PLCB4: variants seen among roughly 807,000 people sequenced by gnomAD.
PLCB4 encodes 1-phosphatidylinositol 4,5-bisphosphate phosphodiesterase beta-4.
Under a neutral mutation model 178.8 loss-of-function variants are expected in PLCB4, and 77 were observed. The ratio of observed to expected loss-of-function variants is 0.43; its 90% CI spans 0.36 to 0.52. PLCB4 has a LOEUF of 0.52. PLCB4 is among the 20% of genes least tolerant of loss of function. PLCB4 has a pLI of 0.00. For missense variants in PLCB4, 1,024 were observed against 1,453.4 expected, an observed-to-expected ratio of 0.70 and a Z score of 4.80; for synonymous variants, 496 against 490.8, an observed-to-expected ratio of 1.01 and a Z score of -0.14.
intron 3 of PLCB4, among the ~76,000 whole-genome samples, chr20:9,237,041 T>G (rs1317404294): frequency 5.9e-5 from 9 of 152,146 alleles, no homozygotes; most frequent in Non-Finnish European, 1.3e-4. Context: ...TGTGGAATAA[T>G]GTGACATTCT....
intron 4 of PLCB4, among the ~76,000 whole-genome samples, chr20:9,324,367 A>G (rs2030040067): frequency 6.6e-6 from 1 of 152,104 alleles, no homozygotes; most frequent in Non-Finnish European, 1.5e-5. Context: ...CAGAGGTTGC[A>G]GTGAGCCCAG....
At chr20:9,146,698 C>T (rs527837248) in intron 2 of PLCB4, among the ~76,000 whole-genome samples, 1 of 152,212 alleles carries the variant, frequency 6.6e-6, no homozygotes, top group African/African-American at 2.4e-5. Context: ...TATTTTGACT[C>T]ACATTGATTA....
chr20:9,372,255 A>G (rs79177435), intron 10 of PLCB4, 48 bp from the exon 11 acceptor site: 17,047 of 1,104,948 alleles, frequency 0.015, 215 homozygotes, highest in Non-Finnish European at 0.016. Flanking sequence ...CTCACCCTCC[A>G]AGGGAAAAAC....
chr20:9,089,787 G>C (rs1484948308), intron 1 of PLCB4, among the ~76,000 whole-genome samples: 1 of 152,112 alleles, frequency 6.6e-6, no homozygotes, highest in Non-Finnish European at 1.5e-5. Context: ...GTTAGCTGGT[G>C]AATAAGGAAG....
chr20:9,454,508 C>T (rs1037322981), intron 33 of PLCB4, among the ~76,000 whole-genome samples: 2 of 152,180 alleles, frequency 1.3e-5, no homozygotes, highest in Non-Finnish European at 2.9e-5. Context: ...TTTCCACAAC[C>T]TTTGGCACAA....
chr20:9,085,067 A>AGAG (rs1555813543), intron 1 of PLCB4, among the ~76,000 whole-genome samples: 1 of 143,406 alleles, frequency 7.0e-6, no homozygotes, highest in Admixed American at 7.0e-5. Flanking sequence ...AAAAAAAAAA[A>AGAG]AGAATATATT....
chr20:9,159,469 G>A (rs2092846826), intron 2 of PLCB4, among the ~76,000 whole-genome samples: 1 of 152,168 alleles, frequency 6.6e-6, no homozygotes, highest in Non-Finnish European at 1.5e-5. Flanking sequence ...GATTTAGCAT[G>A]TTTTTGTGTG....
At chr20:9,276,467 A>T in intron 3 of PLCB4, among the ~76,000 whole-genome samples, 1 of 152,078 alleles carries the variant, frequency 6.6e-6, no homozygotes, top group East Asian at 1.9e-4. Context: ...GTTTTCAGGA[A>T]ATAGTAGGTC....
chr20:9,139,315 G>T (rs1052106386), intron 2 of PLCB4, among the ~76,000 whole-genome samples: 5 of 152,076 alleles, frequency 3.3e-5, no homozygotes, highest in Admixed American at 3.3e-4. Flanking sequence ...GGCTCAGCTG[G>T]GCAGTTCTTC....
intron 2 of PLCB4, among the ~76,000 whole-genome samples, chr20:9,143,724 A>T (rs528396057): frequency 2.0e-5 from 3 of 152,228 alleles, no homozygotes; most frequent in Non-Finnish European, 4.4e-5. Flanking sequence ...TTAGGAGATT[A>T]TACTATACAG....
At chr20:9,367,451 T>G (rs1464582478) in intron 9 of PLCB4, among the ~76,000 whole-genome samples, 1 of 152,232 alleles carries the variant, frequency 6.6e-6, no homozygotes, top group Non-Finnish European at 1.5e-5. Context: ...TGATGGTTGT[T>G]GGCAGATACT....
At chr20:9,080,393 C>T (rs1242489825) in intron 1 of PLCB4, among the ~76,000 whole-genome samples, 4 of 150,702 alleles carry the variant, frequency 2.7e-5, no homozygotes, top group Non-Finnish European at 4.5e-5. Flanking sequence ...AGTAAGAAAC[C>T]AAGATACTAG....
At chr20:9,290,462 T>C (rs1263419679) in intron 3 of PLCB4, among the ~76,000 whole-genome samples, 1 of 152,096 alleles carries the variant, frequency 6.6e-6, no homozygotes, top group Non-Finnish European at 1.5e-5. Flanking sequence ...CTGGGCCTTG[T>C]TAGAGTGAGG....
At chr20:9,073,930 T>C (rs2089698704) in intron 1 of PLCB4, among the ~76,000 whole-genome samples, 1 of 152,072 alleles carries the variant, frequency 6.6e-6, no homozygotes, top group Non-Finnish European at 1.5e-5. Context: ...AAAGGGTCTT[T>C]AAGATTTACC....
At chr20:9,331,595 T>C (rs1328300331) in intron 4 of PLCB4, among the ~76,000 whole-genome samples, 1 of 152,196 alleles carries the variant, frequency 6.6e-6, no homozygotes, top group Non-Finnish European at 1.5e-5. Flanking sequence ...CTGACATTCC[T>C]TATGAGGGGA....
chr20:9,340,000 C>G (rs946346241), intron 7 of PLCB4, among the ~76,000 whole-genome samples: 1 of 152,128 alleles, frequency 6.6e-6, no homozygotes, highest in East Asian at 1.9e-4. Flanking sequence ...ACTAAGCCTT[C>G]ACTTTCCATG....
chr20:9,229,762 A>G (rs2093911673), intron 3 of PLCB4, among the ~76,000 whole-genome samples: 1 of 152,048 alleles, frequency 6.6e-6, no homozygotes, highest in African/African-American at 2.4e-5. Context: ...ATAGGTAAAC[A>G]TGTGCCATGG....
chr20:9,206,743 A>G (rs1672572602), intron 2 of PLCB4, among the ~76,000 whole-genome samples: 1 of 152,252 alleles, frequency 6.6e-6, no homozygotes, highest in African/African-American at 2.4e-5. Flanking sequence ...GACAAACACA[A>G]GTAGCCAAGG....
rs192145916 is a variant in PLCB4, at chr20:9,480,362, A to G, written c.*1353A>G. 2 of 152,730 alleles carry G rather than the reference A, an allele frequency of 1.3e-5. No homozygotes were observed. Among genetic ancestry groups the G allele is most frequent in the Non-Finnish European group, 2.9e-5 (2 of 68,034 alleles). 9.5% of individuals were successfully genotyped at this position (152,730 alleles called of 1,614,324 possible). On this transcript the variant is annotated 3_prime_UTR_variant, in exon 40 of 40. Transcript: ENST00000378473. ...CACAGCACCAGATGAATTGTTGTAT[A>G]TGCTTGTAAAAATTGATTCTGTGTG... is the stretch of plus-strand genomic sequence containing the variant.
Sources: allele counts gnomAD v4.1 joint callset (sites outside exome capture counted in the v4.1 genomes callset), GRCh38; gene constraint gnomAD v4.1.1; transcripts MANE v1.5; gene names NCBI Gene and HGNC (gene_info 2026-07-23, HGNC 2026-07-21).